Variants in CFAP47 observed in about 807,000 individuals in gnomAD.
CFAP47 encodes cilia- and flagella-associated protein 47.
Under a neutral mutation model 148.1 loss-of-function variants are expected in CFAP47, and 29 were observed. The ratio of observed to expected loss-of-function variants is 0.20; its 90% confidence interval spans 0.15 to 0.27. The LOEUF (loss-of-function observed/expected upper bound fraction) is 0.27. Among genes scored for constraint, CFAP47 ranks in the 10% least tolerant of loss-of-function variants. CFAP47 has a pLI of 1.00. For synonymous variants in CFAP47, 664 were observed against 577.3 expected (o/e 1.15, Z -2.15); for missense variants, 1,872 against 1,697.5 (o/e 1.10, Z -1.81).
In CFAP47 at chrX:36,084,563, T is replaced by C. The variant is rs1480068140; in HGVS notation, c.4692-751T>C. On this transcript the variant is annotated intron_variant, in intron 29 of 63. Coordinates refer to ENST00000378653, the MANE Select transcript of CFAP47 (RefSeq NM_001304548.2). ...ATGGCCTCGGGTACTTATTTGTCAA[T>C]CTAAGCAAGTGATACATCTGTGACT... Among the ~76,000 whole-genome samples, 3 of 111,799 alleles carry C rather than the reference T, an allele frequency of 2.7e-5. No individual in the cohort carries two copies. The South Asian group carries it at 1.1e-3, about 41-fold the overall frequency.
chrX:35,968,296 C>A (rs950042553), intron 10 of CFAP47, among the ~76,000 whole-genome samples: 4 of 110,507 alleles, frequency 3.6e-5, no homozygotes, highest in Non-Finnish European at 7.6e-5. Context: ...TGTTTGACCC[C>A]CTTCAAAGGC....
At chrX:36,113,971 A>G (rs777109039) in intron 33 of CFAP47, among the ~76,000 whole-genome samples, 42 of 109,110 alleles carry the variant, frequency 3.8e-4, no homozygotes, top group Non-Finnish European at 7.0e-4. Flanking sequence ...CACCATGCCC[A>G]GCTAATTTTT....
At chrX:35,942,184 A>G (rs1487871081) in intron 3 of CFAP47, among the ~76,000 whole-genome samples, 2 of 111,420 alleles carry the variant, frequency 1.8e-5, no homozygotes, top group Non-Finnish European at 3.8e-5. Flanking sequence ...TAAAATGAGG[A>G]CTAGCTCCAG....
At chrX:35,924,093 A>C (rs562402032) in intron 1 of CFAP47, among the ~76,000 whole-genome samples, 1 of 84,843 alleles carries the variant, frequency 1.2e-5, no homozygotes, top group East Asian at 4.5e-4. Flanking sequence ...ATGTATGCGT[A>C]CATATATGTA....
At chrX:36,315,780 G>C (rs781870369) in intron 56 of CFAP47, among the ~76,000 whole-genome samples, 1 of 111,424 alleles carries the variant, frequency 9.0e-6, no homozygotes, top group South Asian at 3.8e-4. Flanking sequence ...GGCTCTCAGA[G>C]TTCCCTAGCT....
At chrX:36,365,652 G>C (rs1377150338) in intron 61 of CFAP47, 1 of 109,536 alleles carries the variant, frequency 9.1e-6, no homozygotes, top group Non-Finnish European at 1.9e-5. Context: ...TCCTCAGGTA[G>C]GCCCCAGTGT....
chrX:36,160,850 C>CTTT (rs147566241), intron 39 of CFAP47, 81 bp downstream of exon 39: 21 of 158,746 alleles, frequency 1.3e-4, no homozygotes, highest in Non-Finnish European at 1.7e-4. Flanking sequence ...TTCTTTCTTT[C>CTTT]TTTTTTTTTT....
chrX:36,205,968 T>C (rs1402411515), intron 45 of CFAP47, among the ~76,000 whole-genome samples: 3 of 111,640 alleles, frequency 2.7e-5, no homozygotes, highest in African/African-American at 9.7e-5. Context: ...TTACAACTTA[T>C]AAATTACAAG....
chrX:36,235,260 G>T (rs1308570653), intron 46 of CFAP47, among the ~76,000 whole-genome samples: 1 of 112,127 alleles, frequency 8.9e-6, no homozygotes, highest in Non-Finnish European at 1.9e-5. Context: ...TTGAGCTGCG[G>T]TGGGCTCCAC....
chrX:36,135,101 G>T (rs974375925), intron 33 of CFAP47, among the ~76,000 whole-genome samples: 1 of 110,533 alleles, frequency 9.0e-6, no homozygotes, highest in African/African-American at 3.3e-5. Flanking sequence ...ATGCCAAGGC[G>T]TAAGAATGAT....
At chrX:35,999,472 T>C (rs1197395808) in intron 19 of CFAP47, among the ~76,000 whole-genome samples, 2 of 112,087 alleles carry the variant, frequency 1.8e-5, no homozygotes, top group Non-Finnish European at 3.8e-5. Context: ...TTATTTAAGG[T>C]AGATGTTGGA....
Position 36,014,760 on chromosome X carries a change from T to A in CFAP47, c.3418-14T>A. ...GCAAAAATTAACAAGTATAATGTATTTTTTTTGTATCAGGTGACAGTAGTT... is the reference window on the plus strand; with the variant it reads ...GCAAAAATTAACAAGTATAATGTATATTTTTTGTATCAGGTGACAGTAGTT... On this transcript the variant is annotated splice_polypyrimidine_tract_variant and intron_variant, in intron 21 of 63. Coordinates refer to ENST00000378653, the MANE Select transcript of CFAP47 (RefSeq NM_001304548.2). 1 of 292,017 alleles carries A rather than the reference T, an allele frequency of 3.4e-6. No homozygotes were observed. The highest frequency in any genetic ancestry group is 4.8e-5 in the East Asian group (1 of 20,718). 24.1% of individuals were successfully genotyped at this position (292,017 alleles called of 1,213,427 possible). A position where few individuals can be genotyped will look rare whatever the true frequency, so the allele number is the denominator to read the frequency against.
At chrX:36,145,603 T>C (rs1412432479) in intron 36 of CFAP47, among the ~76,000 whole-genome samples, 1 of 112,094 alleles carries the variant, frequency 8.9e-6, no homozygotes, top group Non-Finnish European at 1.9e-5. Flanking sequence ...TTTCATTTGA[T>C]TTAAAATAAT....
chrX:35,983,643 G>T (rs1936675727), intron 15 of CFAP47, among the ~76,000 whole-genome samples: 1 of 111,481 alleles, frequency 9.0e-6, no homozygotes, highest in African/African-American at 3.3e-5. Context: ...TTTCTTCAAT[G>T]CCTAGTTTAT....
chrX:35,931,651 T>G (rs184185413), intron 2 of CFAP47, among the ~76,000 whole-genome samples: 3 of 111,991 alleles, frequency 2.7e-5, no homozygotes, highest in Admixed American at 1.9e-4. Context: ...ATTTTAGGGT[T>G]GCATCTTGAT....
chrX:36,017,513 G>T (rs2146706905), intron 22 of CFAP47, among the ~76,000 whole-genome samples: 1 of 112,279 alleles, frequency 8.9e-6, no homozygotes, highest in African/African-American at 3.2e-5. Context: ...AAGTTTCATA[G>T]TTTGAGGTCT....
intron 49 of CFAP47, among the ~76,000 whole-genome samples, chrX:36,275,499 T>A (rs1450145789): frequency 1.8e-5 from 2 of 109,463 alleles, no homozygotes; most frequent in East Asian, 5.7e-4. Flanking sequence ...ATTGATTGAT[T>A]TTTGTATGTT....
intron 32 of CFAP47, among the ~76,000 whole-genome samples, chrX:36,103,501 GA>G (rs61501194): frequency 0.046 from 693 of 14,981 alleles, 2 homozygotes; most frequent in African/African-American, 0.11. Flanking sequence ...TCATATGCCA[GA>G]AAAAAAAAAA....
chrX:36,105,238 T>G (rs984287123), intron 33 of CFAP47, among the ~76,000 whole-genome samples: 1 of 111,702 alleles, frequency 9.0e-6, no homozygotes, highest in Non-Finnish European at 1.9e-5. Context: ...TAAAATGCAG[T>G]TTTTTTAACC....
Sources: gnomAD v4.1 joint callset for allele counts (sites outside exome capture counted in the v4.1 genomes callset) on GRCh38, gnomAD v4.1.1 for gene constraint, MANE v1.5 for transcripts, NCBI Gene and HGNC (gene_info 2026-07-23, HGNC 2026-07-21) for gene names.